Variants in HUWE1 observed in about 807,000 individuals in gnomAD.
HUWE1 encodes the protein E3 ubiquitin-protein ligase HUWE1.
HUWE1 carries 18 observed loss-of-function variants against 299.4 expected under a neutral mutation model. The ratio of observed to expected loss-of-function variants is 0.06; its 90% confidence interval spans 0.04 to 0.09. The LOEUF (loss-of-function observed/expected upper bound fraction) is 0.09. Ranked by LOEUF, HUWE1 falls within the 10% of genes least tolerant of loss-of-function variation. The pLI, the probability that HUWE1 is intolerant of heterozygous loss-of-function variation, is 1.00. For synonymous variants in HUWE1, 1,317 were observed against 1,286.1 expected (o/e 1.02, Z -0.51); for missense variants, 1,832 against 3,462.3 (o/e 0.53, Z 11.82).
intron 19 of HUWE1, among the ~76,000 whole-genome samples, chrX:53,622,203 A>G (rs1427993761): frequency 9.0e-6 from 1 of 111,583 alleles, no homozygotes; most frequent in Non-Finnish European, 1.9e-5. Flanking sequence ...GATAGTACAT[A>G]CAATGATGCC....
intron 17 of HUWE1, among the ~76,000 whole-genome samples, chrX:53,626,692 A>C (rs1370643850): frequency 8.9e-6 from 1 of 111,963 alleles, no homozygotes; most frequent in African/African-American, 3.3e-5. Context: ...AGTTTATAAA[A>C]TGTATTAAGG....
At chrX:53,602,913 T>C (rs1375782476) in intron 27 of HUWE1, among the ~76,000 whole-genome samples, 1 of 106,693 alleles carries the variant, frequency 9.4e-6, no homozygotes, top group Non-Finnish European at 1.9e-5. Flanking sequence ...TGCAGTGGCA[T>C]GATCTTGGGC....
At chrX:53,622,936 C>T (rs2066241585) in intron 19 of HUWE1, among the ~76,000 whole-genome samples, 1 of 111,720 alleles carries the variant, frequency 9.0e-6, no homozygotes, top group Non-Finnish European at 1.9e-5. Flanking sequence ...ATTTAGGTTT[C>T]GCTTTGCAAA....
intron 3 of HUWE1, among the ~76,000 whole-genome samples, chrX:53,656,993 G>A (rs1221142961): frequency 9.0e-6 from 1 of 110,516 alleles, no homozygotes; most frequent in Non-Finnish European, 1.9e-5. Flanking sequence ...GACATGCACA[G>A]GCAAAAAAGA....
Position 53,595,266 on chromosome X carries a change from T to C in HUWE1, c.3301A>G (p.Thr1101Ala). ...AAGAGCTTAGTGAGAGCTGAGGCTG[T>C]TGATCGCGCGGCAGGTGTCGGTGCT... Reference protein sequence around the residue: ...TTAPTPAARSTASALTKLLTK... With the variant: ...TTAPTPAARSAASALTKLLTK... Residue 1101 changes from threonine to alanine, a missense_variant, in exon 30 of 84, where the codon ACA becomes GCA. By Grantham distance (58) the Thr-to-Ala change is moderately conservative. Around this residue, in one of 15 missense-constraint regions of HUWE1, gnomAD observed 658 missense variants for 1,282.6 expected, o/e 0.51. Coordinates refer to ENST00000262854, the MANE Select transcript of HUWE1 (RefSeq NM_031407.7). 1 of 1,211,372 alleles carries C rather than the reference T, an allele frequency of 8.3e-7. No individual in the cohort carries two copies. Among genetic ancestry groups the C allele is most frequent in the Non-Finnish European group, 1.1e-6 (1 of 895,456 alleles).
At chrX:53,644,097 T>A (rs1557033505) in intron 7 of HUWE1, among the ~76,000 whole-genome samples, 1 of 112,515 alleles carries the variant, frequency 8.9e-6, no homozygotes, top group African/African-American at 3.2e-5. Flanking sequence ...GTGCCAGTAA[T>A]AACAGGCATA....
chrX:53,536,090 T>G, intron 80 of HUWE1, 57 bp downstream of exon 80: 1 of 773,323 alleles, frequency 1.3e-6, no homozygotes, highest in East Asian at 3.2e-5. Flanking sequence ...AAGGTGAACC[T>G]GGAATGGATC....
intron 19 of HUWE1, 74 bp downstream of exon 19, chrX:53,624,521 G>T (rs1207199848): frequency 3.0e-6 from 2 of 677,484 alleles, no homozygotes; most frequent in Non-Finnish European, 4.8e-6. Flanking sequence ...AAATAAGTAA[G>T]TAAGTAAATA....
chrX:53,599,472 G>A (rs1189389103), intron 29 of HUWE1, among the ~76,000 whole-genome samples: 1 of 111,222 alleles, frequency 9.0e-6, no homozygotes, highest in African/African-American at 3.3e-5. Flanking sequence ...ACACAAATAG[G>A]TTCCCAAACA....
At chrX:53,577,450 G>T (rs1396194171) in intron 43 of HUWE1, among the ~76,000 whole-genome samples, 1 of 81,472 alleles carries the variant, frequency 1.2e-5, no homozygotes, top group Non-Finnish European at 2.3e-5. Context: ...CCTTCCCAAC[G>T]TTTTATTAAA....
intron 44 of HUWE1, among the ~76,000 whole-genome samples, chrX:53,576,079 G>A (rs1339573980): frequency 8.9e-6 from 1 of 112,165 alleles, no homozygotes; most frequent in Non-Finnish European, 1.9e-5. Flanking sequence ...GGTTGCCACA[G>A]CTATATAGCT....
intron 3 of HUWE1, among the ~76,000 whole-genome samples, chrX:53,679,419 C>T (rs1443839795): frequency 8.9e-6 from 1 of 111,969 alleles, no homozygotes; most frequent in Non-Finnish European, 1.9e-5. Context: ...TTTAGAAATA[C>T]AAACAAGTAT....
At chrX:53,623,350 G>A (rs1366838713) in intron 19 of HUWE1, among the ~76,000 whole-genome samples, 1 of 110,723 alleles carries the variant, frequency 9.0e-6, no homozygotes, top group Non-Finnish European at 1.9e-5. Context: ...CGTCCCCACC[G>A]TAAAACAAAT....
intron 3 of HUWE1, among the ~76,000 whole-genome samples, chrX:53,671,103 C>T (rs1292913551): frequency 9.0e-6 from 1 of 110,706 alleles, no homozygotes; most frequent in East Asian, 2.8e-4. Flanking sequence ...ATGGATGTCA[C>T]GCAATGGACT....
rs1395327443 is a variant in HUWE1 at position 53,627,561 on chromosome X, ATATTTT to A, written c.1384-52_1384-47del. 3.9e-5 allele frequency: 30 copies of A among 762,456 alleles called. 3 individuals carry two copies. Among genetic ancestry groups the A allele is most frequent in the Non-Finnish European group, 5.2e-5 (28 of 539,195 alleles). 62.8% of individuals were successfully genotyped at this position (762,456 alleles called of 1,213,427 possible). On this transcript the variant is annotated intron_variant, in intron 16 of 83. Coordinates refer to ENST00000262854, the MANE Select transcript of HUWE1 (RefSeq NM_031407.7). ...ATAAGAAAATCAAGTATATATATAT[ATATTTT>A]TTTTTTCAGGGATTAAAAACTATTA...
intron 44 of HUWE1, among the ~76,000 whole-genome samples, chrX:53,576,164 G>C (rs945864839): frequency 2.7e-5 from 3 of 111,917 alleles, no homozygotes; most frequent in African/African-American, 9.8e-5. Context: ...ATTCTATATG[G>C]ATCAGGGTTC....
intron 3 of HUWE1, among the ~76,000 whole-genome samples, chrX:53,654,806 G>A (rs1450820740): frequency 4.5e-5 from 5 of 112,285 alleles, no homozygotes; most frequent in African/African-American, 1.6e-4. Flanking sequence ...CTAGGCATCA[G>A]AATATTAATT....
At chrX:53,637,757 GAAGA>G (rs2067307696) in intron 7 of HUWE1, among the ~76,000 whole-genome samples, 1 of 111,912 alleles carries the variant, frequency 8.9e-6, no homozygotes, top group Non-Finnish European at 1.9e-5. Flanking sequence ...TGTTTCTTGT[GAAGA>G]AATATTCATC....
At chrX:53,622,147 T>G (rs1175482065) in intron 19 of HUWE1, among the ~76,000 whole-genome samples, 1 of 111,503 alleles carries the variant, frequency 9.0e-6, no homozygotes, top group Non-Finnish European at 1.9e-5. Context: ...CATATTAAAC[T>G]TCCCCCTTAA....
Sources: gnomAD v4.1 joint callset for allele counts (sites outside exome capture counted in the v4.1 genomes callset) on GRCh38, gnomAD v4.1.1 for gene constraint, gnomAD v4.1.1 regional missense constraint, MANE v1.5 for transcripts, NCBI Gene and HGNC (gene_info 2026-07-23, HGNC 2026-07-21) for gene names.